The following CCT3 variants were observed in gnomAD, a reference collection of about 807,000 sequenced individuals.
CCT3 encodes the protein chaperonin containing TCP1 subunit 3.
CCT3 carries 10 observed loss-of-function variants against 65.3 expected under a neutral mutation model. That is an observed-to-expected ratio of 0.15 (90% confidence interval 0.09 to 0.26). The LOEUF is 0.26. CCT3 is among the 10% of genes least tolerant of loss of function. The pLI is 1.00. For synonymous variants in CCT3, 225 were observed against 242.3 expected, an observed-to-expected ratio of 0.93 and a Z score of 0.66; for missense variants, 626 against 708.7, an observed-to-expected ratio of 0.88 and a Z score of 1.33.
intron 4 of CCT3, 90 bp from the exon 5 acceptor site, chr1:156,333,733 A>G (rs1046110646): frequency 1.8e-5 from 16 of 901,422 alleles, no homozygotes; most frequent in Non-Finnish European, 2.9e-5. Flanking sequence ...TCTTGCTTCT[A>G]TACGTACTTA....
At chr1:156,315,972 C>T (rs561906355) in intron 10 of CCT3, among the ~76,000 whole-genome samples, 1 of 151,870 alleles carries the variant, frequency 6.6e-6, no homozygotes, top group Non-Finnish European at 1.5e-5. Flanking sequence ...AGTCTCCAGG[C>T]GAATAATAAA....
intron 5 of CCT3, among the ~76,000 whole-genome samples, chr1:156,331,950 C>T (rs941174516): frequency 1.3e-5 from 2 of 151,478 alleles, no homozygotes; most frequent in African/African-American, 2.4e-5. Context: ...GAGAATCGCT[C>T]GAACCCGAGA....
intron 10 of CCT3, among the ~76,000 whole-genome samples, chr1:156,314,072 C>T (rs1184071113): frequency 4.0e-5 from 5 of 124,522 alleles, no homozygotes; most frequent in African/African-American, 1.6e-4. Flanking sequence ...GGCAACAGAG[C>T]GAGACTCTGT....
rs1384032956 is a variant in CCT3 at position 156,338,176 on chromosome 1, G to A, written c.9C>T (p.Gly3=). 1 of 1,588,542 alleles carries A rather than the reference G, an allele frequency of 6.3e-7. No homozygotes were observed. Among genetic ancestry groups the A allele is most frequent in the African/African-American group, 1.3e-5 (1 of 74,948 alleles). Residue 3 remains glycine, a synonymous_variant, in exon 1 of 14, where the codon GGC becomes GGT. Coordinates refer to ENST00000295688, the MANE Select transcript of CCT3 (RefSeq NM_005998.5). MM[G]HRPVLVLSQN... is the part of the protein sequence containing the mutation. ...CACTGAGCACGAGCACTGGACGATG[G>A]CCCATCATGGCGACGCGATGCAGAG...
At chr1:156,316,017 G>A (rs1294870587) in intron 10 of CCT3, among the ~76,000 whole-genome samples, 1 of 147,006 alleles carries the variant, frequency 6.8e-6, no homozygotes, top group Admixed American at 6.8e-5. Flanking sequence ...AAGCAAGGAG[G>A]AAGGCGAATA....
At chr1:156,335,263 G>C in intron 2 of CCT3, 1 of 218,594 alleles carries the variant, frequency 4.6e-6, no homozygotes, top group Non-Finnish European at 9.1e-6. Context: ...GGCTAGCTCT[G>C]TTGTTTTTCT....
At chr1:156,312,694 C>T (rs540640591) in intron 10 of CCT3, among the ~76,000 whole-genome samples, 1 of 151,396 alleles carries the variant, frequency 6.6e-6, no homozygotes, top group Non-Finnish European at 1.5e-5. Context: ...AAAACAACAA[C>T]AAAAAAAACT....
intron 1 of CCT3, 144 bp downstream of exon 1, chr1:156,338,010 C>A (rs926038365): frequency 2.4e-5 from 20 of 849,036 alleles, no homozygotes; most frequent in South Asian, 1.4e-4. Context: ...GAGAGGAAAG[C>A]GGGACACTGG....
chr1:156,331,727 C>A (rs1159201739), intron 5 of CCT3, among the ~76,000 whole-genome samples: 1 of 149,600 alleles, frequency 6.7e-6, no homozygotes, highest in East Asian at 2.0e-4. Flanking sequence ...AATTAGCATC[C>A]CTTATTTTAA....
chr1:156,336,280 A>AT (rs11389824), intron 1 of CCT3, among the ~76,000 whole-genome samples: 78,597 of 145,968 alleles, frequency 0.54, 20,591 homozygotes, highest in African/African-American at 0.59. Flanking sequence ...AGATACTGCA[A>AT]TTTTTTTTTT....
intron 5 of CCT3, among the ~76,000 whole-genome samples, chr1:156,331,843 G>A (rs1665111872): frequency 6.6e-6 from 1 of 151,524 alleles, no homozygotes; most frequent in African/African-American, 2.4e-5. Flanking sequence ...ACACCAGCCT[G>A]ACCAACATGA....
chr1:156,317,459 A>G lies in CCT3; in HGVS notation c.848T>C (p.Ile283Thr), dbSNP rs767125615. Residue 283 changes from isoleucine (I) to threonine (T), a missense_variant, in exon 9 of 14, where the codon ATC becomes ACC. Ile to Thr is a moderately conservative substitution (Grantham distance 89). Transcript: ENST00000295688. ...GATGACCACATCGGGCTTCAGTTGG[A>G]TAATGTCCTCACAGAGCTGCTGGAT... ...EYIQQLCEDI[I>T]QLKPDVVITE... 2 of 1,614,028 alleles carry G rather than the reference A, an allele frequency of 1.2e-6. No individual in the cohort carries two copies. The highest frequency in any genetic ancestry group is 1.7e-5 in the Admixed American group (1 of 59,998).
intron 5 of CCT3, among the ~76,000 whole-genome samples, chr1:156,331,328 A>G (rs1665087414): frequency 7.0e-6 from 1 of 142,128 alleles, no homozygotes; most frequent in Non-Finnish European, 1.6e-5. Flanking sequence ...TCTACGAAAA[A>G]TAAATAATAA....
chr1:156,337,180 G>T, intron 1 of CCT3: 1 of 668,172 alleles, frequency 1.5e-6, no homozygotes, highest in Non-Finnish European at 2.3e-6. Flanking sequence ...CGAGGTGGGC[G>T]GATCACCTGA....
At chr1:156,323,271 T>C (rs930668704) in intron 6 of CCT3, among the ~76,000 whole-genome samples, 1 of 137,352 alleles carries the variant, frequency 7.3e-6, no homozygotes, top group East Asian at 2.2e-4. Flanking sequence ...GCGCCATTCA[T>C]TGCACTCCAG....
At position 156,334,824 on chromosome 1, in the gene CCT3, GA is replaced by G. The variant is rs781021726; in HGVS notation, c.144+43del. On this transcript the variant is annotated intron_variant, in intron 3 of 13. Transcript: ENST00000295688. ...TTTAAAGTGTCCTAGATAACAGGAA[GA>G]AAAAAATTGTAGCCTAAGAGTTTTA... is the stretch of plus-strand genomic sequence containing the variant. The G allele has an allele frequency of 1.7e-5, 28 of 1,613,452 alleles. No homozygotes were observed. The African/African-American group carries it at 2.7e-4, about 15-fold the overall frequency.
chr1:156,310,540 T>C lies in CCT3; in HGVS notation c.1533+18A>G, dbSNP rs1664041201. 1.3e-6 allele frequency: 2 copies of C among 1,586,136 alleles called. No homozygotes were observed. The highest frequency in any genetic ancestry group is 2.2e-5 in the South Asian group (2 of 89,264). On this transcript the variant is annotated intron_variant, in intron 13 of 13. Transcript: ENST00000295688. The stretch of plus-strand genomic sequence containing the variant: ...TAAATTAATTAAAACAGCGTGTACA[T>C]ATCTTAGGGTGCCTTACCTCCACTG...
At position 156,334,699 on chromosome 1, in the gene CCT3, A is replaced by G. The variant is rs202199790; in HGVS notation, c.207+14T>C. On this transcript the variant is annotated intron_variant, in intron 4 of 13. Coordinates refer to ENST00000295688, the MANE Select transcript of CCT3 (RefSeq NM_005998.5). The stretch of plus-strand genomic sequence containing the variant: ...GTCAGAAAGCAAAAAAACAAAACCA[A>G]AAACAAAACACACCTCTCGAAGAAT... 299 of 1,612,922 alleles carry G rather than the reference A, an allele frequency of 1.9e-4. No homozygotes were observed. The Middle Eastern group carries it at 3.3e-3, about 18-fold the overall frequency.
intron 10 of CCT3, among the ~76,000 whole-genome samples, chr1:156,315,436 T>G (rs1443420491): frequency 2.0e-5 from 3 of 152,190 alleles, no homozygotes; most frequent in Admixed American, 2.0e-4. Context: ...CTTGAACTCC[T>G]CACCTCAGGT....
Sources: gnomAD v4.1 joint callset for allele counts (sites outside exome capture counted in the v4.1 genomes callset) on GRCh38, gnomAD v4.1.1 for gene constraint, MANE v1.5 for transcripts, NCBI Gene and HGNC (gene_info 2026-07-23, HGNC 2026-07-21) for gene names.